CACNA1G: variants seen among roughly 807,000 people sequenced by gnomAD.
CACNA1G encodes the protein voltage-dependent T-type calcium channel subunit alpha-1G.
A neutral mutation model predicts 219.4 loss-of-function variants in CACNA1G; 67 were observed. The ratio of observed to expected loss-of-function variants is 0.31; its 90% CI spans 0.25 to 0.37. The LOEUF is 0.37. CACNA1G is among the 10% of genes least tolerant of loss of function. The pLI, the probability that CACNA1G is intolerant of heterozygous loss-of-function variation, is 1.00. For synonymous variants in CACNA1G, 1,296 were observed against 1,345.3 expected (o/e 0.96, Z 0.80); for missense variants, 2,380 against 3,231.4 (o/e 0.74, Z 6.39).
chr17:50,606,792 G>A, intron 23 of CACNA1G, 108 bp from the exon 24 acceptor site: 1 of 764,040 alleles, frequency 1.3e-6, no homozygotes, highest in Non-Finnish European at 2.3e-6. Context: ...GACCCCTCAA[G>A]GGCTGGGGTA....
chr17:50,581,959 T>C (rs1327857009), intron 9 of CACNA1G, among the ~76,000 whole-genome samples: 4 of 151,910 alleles, frequency 2.6e-5, no homozygotes, highest in Non-Finnish European at 4.4e-5. Flanking sequence ...CCAATTTCCA[T>C]GGTGTAAATG....
rs1433388806 is a variant in CACNA1G at position 50,605,983 on chromosome 17, G to A, written c.4382G>A (p.Arg1461Gln). 7.4e-6 allele frequency: 12 copies of A among 1,613,778 alleles called. No individual in the cohort carries two copies. The highest frequency in any genetic ancestry group is 1.0e-5 in the Non-Finnish European group (12 of 1,179,908). The change falls in exon 23 of 38, where the codon CGG becomes CAG. Residue 1461 changes from arginine (R) to glutamine (Q), a missense_variant. Arg to Gln is a conservative substitution (Grantham distance 43). Coordinates refer to ENST00000359106, the MANE Select transcript of CACNA1G (RefSeq NM_018896.5). Reference sequence around the variant, plus strand: ...TCGGACTGTGCCGAGGCCAGTTACCGGTGGGTCCGGCACAAGTACAACTTT... The same window carrying A: ...TCGGACTGTGCCGAGGCCAGTTACCAGTGGGTCCGGCACAAGTACAACTTT... ...NKSDCAEASY[R>Q]WVRHKYNFDN...
rs776359855 is a variant in CACNA1G at position 50,596,767 on chromosome 17, C to G, written c.3102C>G (p.Ser1034Arg). The change falls in exon 16 of 38, where the codon AGC becomes AGG. Residue 1034 changes from serine to arginine, a missense_variant. Coordinates refer to ENST00000359106, the MANE Select transcript of CACNA1G (RefSeq NM_018896.5). The surrounding 1 kb of genome is among the most constrained non-coding windows in gnomAD (Gnocchi z 4.8). ...GAGAGCACCCGGAGCTGCGGAAGAG[C>G]CTGCTGCCGCCTCTCATCATCCACA... ...SLGEHPELRK[S>R]LLPPLIIHTA... The G allele has an allele frequency of 1.2e-6, 2 of 1,612,572 alleles. No individual in the cohort carries two copies. Among genetic ancestry groups the G allele is most frequent in the Non-Finnish European group, 1.7e-6 (2 of 1,179,768 alleles).
chr17:50,604,729 G>A (rs1598537874), intron 22 of CACNA1G, among the ~76,000 whole-genome samples: 2 of 152,364 alleles, frequency 1.3e-5, no homozygotes, highest in East Asian at 3.9e-4. Flanking sequence ...CAGGAAGTGG[G>A]GGCTGCTGGG....
Position 50,561,332 on chromosome 17 carries a change from G to T in CACNA1G, c.-128G>T, listed in dbSNP as rs952824648. On this transcript the variant is annotated 5_prime_UTR_variant, in exon 1 of 38. Transcript: ENST00000359106. ...CTGGGCTGAACTGGCCCTCCCGGGG[G>T]CTCAGCTTGCGCCCTAGAGCCCACC... The T allele has an allele frequency of 1.1e-5, 13 of 1,204,146 alleles. No individual in the cohort carries two copies. Among genetic ancestry groups the T allele is most frequent in the Non-Finnish European group, 1.3e-5 (11 of 870,118 alleles). The allele number at this position is 1,204,146 out of a possible 1,614,324, so 74.6% of individuals were successfully genotyped here.
intron 36 of CACNA1G, 21 bp from the exon 37 acceptor site, chr17:50,624,339 C>T (rs1438294976): frequency 9.4e-6 from 14 of 1,490,014 alleles, no homozygotes; most frequent in African/African-American, 6.9e-5. Context: ...CCACCCCTCC[C>T]CCGCTTCCCT....
chr17:50,609,844 G>C (rs1274011219), intron 25 of CACNA1G, 38 bp from the exon 26 acceptor site: 16 of 1,602,706 alleles, frequency 1.0e-5, no homozygotes, highest in Non-Finnish European at 1.4e-5. Context: ...AGCGCACCTG[G>C]TCCGGCCAGT....
At chr17:50,595,198 G>A in intron 14 of CACNA1G, 137 bp downstream of exon 14, 1 of 684,040 alleles carries the variant, frequency 1.5e-6, no homozygotes, top group East Asian at 2.9e-5. Context: ...CATTGGTGTT[G>A]TGAGGTTTGC....
At chr17:50,602,358 G>A (rs748033550) in intron 19 of CACNA1G, among the ~76,000 whole-genome samples, 15 of 152,240 alleles carry the variant, frequency 9.9e-5, no homozygotes, top group Non-Finnish European at 1.6e-4. Context: ...GTGCCTGGGG[G>A]TGCAGAGTCT....
At position 50,572,096 on chromosome 17, in the gene CACNA1G, C is replaced by T. The variant is rs367791834; in HGVS notation, c.746+59C>T. ...GAGTGGTTATGGGGCTGGGCACCCC[C>T]CCAAGTTCCTCACTTCCGGTTGCTA... On this transcript the variant is annotated intron_variant, in intron 5 of 37. Transcript: ENST00000359106. The T allele has an allele frequency of 1.2e-4, 182 of 1,546,778 alleles. 1 individual carries two copies. The highest frequency in any genetic ancestry group is 1.1e-4 in the Admixed American group (6 of 55,376).
At chr17:50,609,710 T>C (rs1241538726) in intron 25 of CACNA1G, among the ~76,000 whole-genome samples, 172 bp from the exon 26 acceptor site, 2 of 152,166 alleles carry the variant, frequency 1.3e-5, no homozygotes, top group African/African-American at 4.8e-5. Flanking sequence ...CTTCCTCAAG[T>C]GCCCTGTGCC....
At chr17:50,576,969 G>A (rs995246564) in intron 8 of CACNA1G, among the ~76,000 whole-genome samples, 1 of 152,178 alleles carries the variant, frequency 6.6e-6, no homozygotes, top group South Asian at 2.1e-4. Flanking sequence ...TAGGGACGTC[G>A]GGCTCTCCCC....
chr17:50,564,125 A>AGTGTGTGT (rs67152102), intron 1 of CACNA1G, among the ~76,000 whole-genome samples: 2,411 of 138,656 alleles, frequency 0.017, 63 homozygotes, highest in African/African-American at 0.054. Flanking sequence ...CCAGGTAGGA[A>AGTGTGTGT]GTGTGTGTGT....
rs368760843 is a variant in CACNA1G, at chr17:50,626,805, C to T, written c.*54C>T. On this transcript the variant is annotated 3_prime_UTR_variant, in exon 38 of 38. Transcript: ENST00000359106. This position sits in a 1 kb window ranked among gnomAD's most constrained non-coding sequence, Gnocchi z 4.3. ...CTCCACTGGGTGCCAAGTCCTAGCT[C>T]CTCCTCCTGGGCTATATTCCTGACA... The T allele has an allele frequency of 3.1e-6, 5 of 1,610,202 alleles. No homozygotes were observed. Among genetic ancestry groups the T allele is most frequent in the African/African-American group, 2.7e-5 (2 of 75,004 alleles).
chr17:50,576,394 T>G, intron 8 of CACNA1G, 68 bp downstream of exon 8: 1 of 1,467,050 alleles, frequency 6.8e-7, no homozygotes, highest in Non-Finnish European at 9.3e-7. Context: ...CAGAGGGGAC[T>G]AGGGGGTCTG....
In CACNA1G at chr17:50,620,860, C is replaced by T. The variant is rs78620704; in HGVS notation, c.5926-800C>T. Among the ~76,000 whole-genome samples, 1,430 of 152,286 alleles carry T rather than the reference C, an allele frequency of 9.4e-3. 22 individuals are homozygous for T. The highest frequency in any genetic ancestry group is 0.033 in the African/African-American group (1,360 of 41,556). On this transcript the variant is annotated intron_variant, in intron 34 of 37. Coordinates refer to ENST00000359106, the MANE Select transcript of CACNA1G (RefSeq NM_018896.5). ...GCCTCCCCTTCCTGAAAGAGGCTCA[C>T]AGGGAAAGGTTGTGGGAGAAGAGGA...
chr17:50,624,192 C>T (rs2053015278), intron 36 of CACNA1G, 117 bp downstream of exon 36: 2 of 1,352,376 alleles, frequency 1.5e-6, no homozygotes, highest in East Asian at 2.4e-5. Context: ...TCTCTGACCT[C>T]AGGGGAGCCT....
intron 4 of CACNA1G, among the ~76,000 whole-genome samples, chr17:50,570,820 G>T (rs1269574190): frequency 2.6e-5 from 4 of 152,218 alleles, no homozygotes; most frequent in Non-Finnish European, 5.9e-5. Context: ...AGGGGGATGG[G>T]GTAGGAGGAG....
At chr17:50,601,720 A>G (rs899562177) in intron 19 of CACNA1G, among the ~76,000 whole-genome samples, 1 of 152,164 alleles carries the variant, frequency 6.6e-6, no homozygotes, top group Non-Finnish European at 1.5e-5. Context: ...GAACCCCTTC[A>G]GGGTGGGCCC....
Sources: gnomAD v4.1 joint callset for allele counts (sites outside exome capture counted in the v4.1 genomes callset) on GRCh38, gnomAD v4.1.1 for gene constraint, Gnocchi (gnomAD v3.1) non-coding constraint, MANE v1.5 for transcripts, NCBI Gene and HGNC (gene_info 2026-07-23, HGNC 2026-07-21) for gene names.